Variants in BMP5 observed in about 807,000 individuals in gnomAD.
The protein encoded by BMP5 is bone morphogenetic protein 5.
In BMP5, 23 loss-of-function variants were observed where a neutral mutation model predicts 46.6. The ratio of observed to expected loss-of-function variants is 0.49; its 90% CI spans 0.35 to 0.70. The LOEUF is 0.70. Ranked by LOEUF, BMP5 falls within the 30% of genes least tolerant of loss-of-function variation. The pLI, the probability that BMP5 is intolerant of heterozygous loss-of-function variation, is 0.00. For missense variants in BMP5, 545 were observed against 565.6 expected, an observed-to-expected ratio of 0.96 and a Z score of 0.37; for synonymous variants, 204 against 191.9, an observed-to-expected ratio of 1.06 and a Z score of -0.52.
chr6:55,833,418 A>G (rs2127542896), intron 1 of BMP5, among the ~76,000 whole-genome samples: 1 of 152,340 alleles, frequency 6.6e-6, no homozygotes, highest in Middle Eastern at 3.4e-3. Flanking sequence ...TTTAACACAT[A>G]GTGAAAACAA....
intron 4 of BMP5, among the ~76,000 whole-genome samples, chr6:55,763,831 A>G (rs1050127248): frequency 6.6e-6 from 1 of 152,180 alleles, no homozygotes; most frequent in East Asian, 1.9e-4. Flanking sequence ...ATTGCTAAAT[A>G]CTTTATGCAA....
chr6:55,809,086 A>G (rs1401515157), intron 2 of BMP5, among the ~76,000 whole-genome samples: 1 of 152,198 alleles, frequency 6.6e-6, no homozygotes, highest in Non-Finnish European at 1.5e-5. Flanking sequence ...TCACCTTTCT[A>G]AAGTTATCTT....
intron 1 of BMP5, among the ~76,000 whole-genome samples, chr6:55,828,458 A>G (rs1248545881): frequency 6.6e-6 from 1 of 151,828 alleles, no homozygotes; most frequent in African/African-American, 2.4e-5. Flanking sequence ...CTTGAAATCC[A>G]TTCTCACTTC....
chr6:55,870,425 T>C (rs1317722524), intron 1 of BMP5, among the ~76,000 whole-genome samples: 2 of 152,142 alleles, frequency 1.3e-5, no homozygotes, highest in Non-Finnish European at 2.9e-5. Flanking sequence ...TACAGAATGA[T>C]TGTTGCTTTA....
intron 1 of BMP5, among the ~76,000 whole-genome samples, chr6:55,823,437 C>G (rs1190116735): frequency 6.6e-6 from 1 of 151,992 alleles, no homozygotes; most frequent in Non-Finnish European, 1.5e-5. Context: ...CTGCATTCCC[C>G]CTTGGCTGAA....
Position 55,806,193 on chromosome 6 carries a change from T to C in BMP5, c.684-11766A>G, listed in dbSNP as rs141179422. ...CCTAGGTTTTCTTCTAGGGTTTTTA[T>C]GATTTGGGGCTTTACATTTAAGTCT... On this transcript the variant is annotated intron_variant, in intron 2 of 6. Coordinates refer to ENST00000370830, the MANE Select transcript of BMP5 (RefSeq NM_021073.4). Among the ~76,000 whole-genome samples the C allele has an allele frequency of 9.8e-5, 15 of 152,346 alleles. No homozygotes were observed. In the East Asian group the frequency reaches 2.9e-3, roughly 29 times the overall value.
rs141051540 is a variant in BMP5, at chr6:55,855,220, T to C, written c.490+19156A>G. 2.0e-3 allele frequency among the ~76,000 whole-genome samples: 303 copies of C among 152,156 alleles called. 2 individuals are homozygous for C. Among genetic ancestry groups the C allele is most frequent in the African/African-American group, 6.9e-3 (288 of 41,544 alleles). ...CACTTCCTTTTTAAATTTTTATTTATTTGTTTTTATTTTTATTCAATTAGT... is the reference window on the plus strand; with the variant it reads ...CACTTCCTTTTTAAATTTTTATTTACTTGTTTTTATTTTTATTCAATTAGT... On this transcript the variant is annotated intron_variant, in intron 1 of 6. Coordinates refer to ENST00000370830, the MANE Select transcript of BMP5 (RefSeq NM_021073.4).
At chr6:55,757,842 A>T (rs187788312) in intron 6 of BMP5, among the ~76,000 whole-genome samples, 13 of 152,016 alleles carry the variant, frequency 8.6e-5, no homozygotes, top group African/African-American at 3.1e-4. Context: ...GTTGTTATAG[A>T]TTGCACTTTT....
At position 55,874,586 on chromosome 6, in the gene BMP5, G is replaced by C. The variant is rs769811888; in HGVS notation, c.280C>G (p.Pro94Ala). Reference sequence around the variant, plus strand: ...CTTACTGAGTACTCCGACTCTTCAGGATTTTCTTCATTGGTCATGGCATTG... The same window carrying C: ...CTTACTGAGTACTCCGACTCTTCAGCATTTTCTTCATTGGTCATGGCATTG... ...LYNAMTNEEN[P>A]EESEYSVRAS... The change falls in exon 1 of 7, where the codon CCT becomes GCT. Residue 94 changes from proline (P) to alanine (A), a missense_variant. Coordinates refer to ENST00000370830, the MANE Select transcript of BMP5 (RefSeq NM_021073.4). 3 of 1,613,512 alleles carry C rather than the reference G, an allele frequency of 1.9e-6. No homozygotes were observed. Among genetic ancestry groups the C allele is most frequent in the Non-Finnish European group, 2.5e-6 (3 of 1,179,706 alleles).
chr6:55,768,838 C>T (rs1405095502), intron 4 of BMP5, among the ~76,000 whole-genome samples: 2 of 151,834 alleles, frequency 1.3e-5, no homozygotes, highest in African/African-American at 4.8e-5. Flanking sequence ...AGTTCCAGAC[C>T]ACTGCAATGA....
chr6:55,875,034 C>T lies in BMP5; in HGVS notation c.-169G>A. The T allele has an allele frequency of 1.4e-6, 1 of 725,796 alleles. No homozygotes were observed. 45.0% of individuals were successfully genotyped at this position (725,796 alleles called of 1,614,324 possible). On this transcript the variant is annotated 5_prime_UTR_variant, in exon 1 of 7. Coordinates refer to ENST00000370830, the MANE Select transcript of BMP5 (RefSeq NM_021073.4). ...ACAACATCCTCACCGATTTTCCTGT[C>T]CTATTTTAAATATTTTGGAATATGT...
chr6:55,811,145 T>C lies in BMP5; in HGVS notation c.683+8510A>G, dbSNP rs1449411603. ...CCAGGAAATCTTCCTGAGTGGAAAATGTCAGAGTACCTTCTGAAGTATGTC... is the reference window on the plus strand; with the variant it reads ...CCAGGAAATCTTCCTGAGTGGAAAACGTCAGAGTACCTTCTGAAGTATGTC... On this transcript the variant is annotated intron_variant, in intron 2 of 6. Transcript: ENST00000370830. Among the ~76,000 whole-genome samples the C allele has an allele frequency of 3.3e-5, 5 of 152,102 alleles. No homozygotes were observed. In the East Asian group the frequency reaches 9.7e-4, roughly 29 times the overall value.
chr6:55,794,742 C>CCTT (rs1775664585), intron 2 of BMP5, among the ~76,000 whole-genome samples: 1 of 152,140 alleles, frequency 6.6e-6, no homozygotes, highest in African/African-American at 2.4e-5. Flanking sequence ...TAACCACCAT[C>CCTT]TGTAAGTAGT....
intron 3 of BMP5, among the ~76,000 whole-genome samples, chr6:55,778,525 T>C (rs1396363449): frequency 6.6e-6 from 1 of 152,074 alleles, no homozygotes; most frequent in African/African-American, 2.4e-5. Flanking sequence ...ATAGATATTG[T>C]CTTTTTGTAT....
rs78620707 is a variant in BMP5 at position 55,767,248 on chromosome 6, T to C, written c.1028-6715A>G. Among the ~76,000 whole-genome samples the C allele has an allele frequency of 3.5e-3, 537 of 152,134 alleles. 2 individuals carry two copies. The highest frequency in any genetic ancestry group is 0.013 in the South Asian group (63 of 4,832). On this transcript the variant is annotated intron_variant, in intron 4 of 6. Coordinates refer to ENST00000370830, the MANE Select transcript of BMP5 (RefSeq NM_021073.4). ...ATAAGAAATCCTGTGACCACAGGTA[T>C]GAGTACTTATAAGAGAGAGTGTGAA... is the stretch of plus-strand genomic sequence containing the variant.
intron 3 of BMP5, among the ~76,000 whole-genome samples, chr6:55,775,592 T>G (rs551864811): frequency 3.9e-5 from 6 of 152,076 alleles, no homozygotes; most frequent in Non-Finnish European, 7.4e-5. Context: ...ATGTGCATGA[T>G]TGACTCTGGC....
chr6:55,812,619 G>A (rs994419380), intron 2 of BMP5, among the ~76,000 whole-genome samples: 1 of 152,186 alleles, frequency 6.6e-6, no homozygotes, highest in Non-Finnish European at 1.5e-5. Flanking sequence ...ACATTAAAGA[G>A]TACAGTCTGC....
intron 3 of BMP5, among the ~76,000 whole-genome samples, chr6:55,781,042 G>T (rs961813723): frequency 6.6e-6 from 1 of 151,980 alleles, no homozygotes; most frequent in East Asian, 1.9e-4. Flanking sequence ...TGAATCTCAC[G>T]CTAGGGATTG....
At chr6:55,782,968 G>A (rs1386871696) in intron 3 of BMP5, among the ~76,000 whole-genome samples, 1 of 152,094 alleles carries the variant, frequency 6.6e-6, no homozygotes, top group Non-Finnish European at 1.5e-5. Context: ...ACTTTTTAGA[G>A]ATTGGTGAAT....
Sources: allele counts gnomAD v4.1 joint callset (sites outside exome capture counted in the v4.1 genomes callset), GRCh38; gene constraint gnomAD v4.1.1; transcripts MANE v1.5; gene names NCBI Gene and HGNC (gene_info 2026-07-23, HGNC 2026-07-21).